PLCG2: variants seen among roughly 807,000 people sequenced by gnomAD.
The protein encoded by PLCG2 is 1-phosphatidylinositol 4,5-bisphosphate phosphodiesterase gamma-2.
In PLCG2, 69 loss-of-function variants were observed where a neutral mutation model predicts 175.6. The ratio of observed to expected loss-of-function variants is 0.39; its 90% CI spans 0.32 to 0.48. The LOEUF (loss-of-function observed/expected upper bound fraction) is 0.48. Ranked by LOEUF, PLCG2 falls within the 20% of genes least tolerant of loss-of-function variation. PLCG2 has a pLI of 0.91. For missense variants in PLCG2, 1,798 were observed against 1,650.9 expected (o/e 1.09, Z -1.54); for synonymous variants, 827 against 624.0 (o/e 1.33, Z -4.85).
upstream of PLCG2, among the ~76,000 whole-genome samples, chr16:81,778,010 T>C (rs1254083480): frequency 8.5e-5 from 3 of 35,466 alleles, no homozygotes; most frequent in Admixed American, 2.5e-4. Flanking sequence ...GAGCAAGACT[T>C]TGTCTCAAAA....
chr16:81,876,940 T>C lies in PLCG2; in HGVS notation c.649-3970T>C, dbSNP rs1216790187. 7.2e-5 allele frequency among the ~76,000 whole-genome samples: 11 copies of C among 152,352 alleles called. No homozygotes were observed. In the East Asian group the frequency reaches 1.9e-3, roughly 27 times the overall value. The stretch of plus-strand genomic sequence containing the variant: ...CGTGTAGTGTGGGATGCTAGAGATT[T>C]ACCAAGGTGGGCCTGGGTTGAAATT... On this transcript the variant is annotated intron_variant, in intron 7 of 32. Coordinates refer to ENST00000564138, the MANE Select transcript of PLCG2 (RefSeq NM_002661.5).
At chr16:81,771,068 A>AAAT (rs1910270555) in intron 2 of PLCG2, among the ~76,000 whole-genome samples, 2 of 120,318 alleles carry the variant, frequency 1.7e-5, no homozygotes, top group Non-Finnish European at 1.8e-5. Flanking sequence ...AAAAAAAAAA[A>AAAT]AAAATAAATA....
intron 31 of PLCG2, among the ~76,000 whole-genome samples, chr16:81,951,276 G>C (rs573612873): frequency 6.6e-6 from 1 of 152,192 alleles, no homozygotes; most frequent in South Asian, 2.1e-4. Flanking sequence ...CAAAAGACCA[G>C]TTAAACTCTT....
At position 81,962,372 on chromosome 16, in the gene PLCG2, A is replaced by G. The variant is rs913459771; in HGVS notation, c.*4374A>G. 1 of 209,508 alleles carries G rather than the reference A, an allele frequency of 4.8e-6. No individual in the cohort carries two copies. Among genetic ancestry groups the G allele is most frequent in the African/African-American group, 2.3e-5 (1 of 44,112 alleles). 13.0% of individuals were successfully genotyped at this position (209,508 alleles called of 1,614,324 possible). On this transcript the variant is annotated 3_prime_UTR_variant, in exon 33 of 33. Coordinates refer to ENST00000564138, the MANE Select transcript of PLCG2 (RefSeq NM_002661.5). ...ATTTGGAATTATACAGAATTAGAAAATTGGCATTTAAAAATACTCAATAAT... is the reference window on the plus strand; with the variant it reads ...ATTTGGAATTATACAGAATTAGAAAGTTGGCATTTAAAAATACTCAATAAT...
intron 2 of PLCG2, among the ~76,000 whole-genome samples, chr16:81,801,703 T>G (rs1254586364): frequency 6.6e-6 from 1 of 152,028 alleles, no homozygotes; most frequent in African/African-American, 2.4e-5. Flanking sequence ...TTTCTTGAGG[T>G]GGTGTCTTGC....
At chr16:81,847,304 C>T (rs1403583719) in intron 2 of PLCG2, among the ~76,000 whole-genome samples, 2 of 152,190 alleles carry the variant, frequency 1.3e-5, no homozygotes, top group Non-Finnish European at 2.9e-5. Flanking sequence ...TGTTTAGCAA[C>T]CAAGAAGCTC....
At chr16:81,862,335 C>T (rs1014979861) in intron 5 of PLCG2, among the ~76,000 whole-genome samples, 4 of 152,206 alleles carry the variant, frequency 2.6e-5, no homozygotes, top group Non-Finnish European at 2.9e-5. Flanking sequence ...TAGCAGCGGG[C>T]ATTTGTTTAC....
At chr16:81,936,429 C>T in intron 27 of PLCG2, 51 bp downstream of exon 27, 1 of 1,469,522 alleles carries the variant, frequency 6.8e-7, no homozygotes, top group Non-Finnish European at 9.5e-7. Context: ...CGGTTGCAGT[C>T]ACTCCAGGCC....
chr16:81,753,628 G>A (rs999923661), intron 1 of PLCG2, among the ~76,000 whole-genome samples: 1 of 152,110 alleles, frequency 6.6e-6, no homozygotes, highest in Admixed American at 6.6e-5. Context: ...ATGTTGGCCA[G>A]GCTGACCTGG....
intron 1 of PLCG2, among the ~76,000 whole-genome samples, chr16:81,749,457 A>G (rs1375438086): frequency 1.3e-5 from 2 of 151,952 alleles, no homozygotes; most frequent in Admixed American, 6.6e-5. Context: ...GGTTCAAGCA[A>G]TTCTCCTGCC....
chr16:81,802,205 C>T (rs568786681), intron 2 of PLCG2, among the ~76,000 whole-genome samples: 314 of 146,636 alleles, frequency 2.1e-3, no homozygotes, highest in Non-Finnish European at 2.3e-3. Flanking sequence ...CTCCGCCTCC[C>T]GGGTTCACAC....
chr16:81,838,498 C>T (rs1258164908), intron 2 of PLCG2, among the ~76,000 whole-genome samples: 2 of 152,206 alleles, frequency 1.3e-5, no homozygotes, highest in East Asian at 3.9e-4. Flanking sequence ...TCTCAGCAAA[C>T]TAACACAGGA....
At chr16:81,860,172 A>ATTATTATTATTTTT (rs763047744) in intron 5 of PLCG2, among the ~76,000 whole-genome samples, 29 of 120,612 alleles carry the variant, frequency 2.4e-4, no homozygotes, top group Admixed American at 5.4e-4. Context: ...TATTATTATT[A>ATTATTATTATTTTT]TTTTTTTTTT....
chr16:81,951,864 A>C (rs1911379432), intron 31 of PLCG2, among the ~76,000 whole-genome samples: 1 of 152,230 alleles, frequency 6.6e-6, no homozygotes, highest in African/African-American at 2.4e-5. Flanking sequence ...ATAATTTTAG[A>C]AAAAAGGTCG....
chr16:81,749,921 C>T (rs552450425), intron 1 of PLCG2, among the ~76,000 whole-genome samples: 60 of 152,210 alleles, frequency 3.9e-4, no homozygotes, highest in African/African-American at 1.4e-3. Flanking sequence ...TGTAATCCAT[C>T]TACGCGGCGG....
At chr16:81,930,729 CAG>C (rs1425020629) in intron 24 of PLCG2, among the ~76,000 whole-genome samples, 1 of 127,204 alleles carries the variant, frequency 7.9e-6, no homozygotes, top group African/African-American at 3.0e-5. Context: ...GCCTGGGTGA[CAG>C]AGTGCCACCC....
intron 2 of PLCG2, among the ~76,000 whole-genome samples, chr16:81,804,295 A>G (rs1306220791): frequency 1.3e-5 from 2 of 152,164 alleles, no homozygotes; most frequent in Non-Finnish European, 2.9e-5. Context: ...CATTTTCCTG[A>G]TTGCTCATTG....
At chr16:81,773,647 T>G (rs1264573662) in intron 2 of PLCG2, among the ~76,000 whole-genome samples, 1 of 152,192 alleles carries the variant, frequency 6.6e-6, no homozygotes, top group Non-Finnish European at 1.5e-5. Flanking sequence ...AGGGTCCGCA[T>G]GTTGAGAGTT....
intron 3 of PLCG2, among the ~76,000 whole-genome samples, chr16:81,855,563 G>T (rs1373309638): frequency 6.6e-6 from 1 of 152,222 alleles, no homozygotes; most frequent in East Asian, 1.9e-4. Context: ...GTGTTAGGTT[G>T]TGTACATGCC....
Sources: allele counts gnomAD v4.1 joint callset (sites outside exome capture counted in the v4.1 genomes callset), GRCh38; gene constraint gnomAD v4.1.1; transcripts MANE v1.5; gene names NCBI Gene and HGNC (gene_info 2026-07-23, HGNC 2026-07-21).